RARB: variants seen among roughly 807,000 people sequenced by gnomAD.
The protein encoded by RARB is HBV-activated protein.
A neutral mutation model predicts 51.9 loss-of-function variants in RARB; 17 were observed. The ratio of observed to expected loss-of-function variants is 0.33; its 90% confidence interval spans 0.22 to 0.49. The LOEUF (loss-of-function observed/expected upper bound fraction) is 0.49. RARB is among the 20% of genes least tolerant of loss of function. The probability of loss-of-function intolerance (pLI) is 0.99; values close to 1 mark genes in which losing one functional copy is unlikely to be tolerated. For missense variants in RARB, 369 were observed against 550.8 expected, an observed-to-expected ratio of 0.67 and a Z score of 3.30; for synonymous variants, 215 against 195.4, an observed-to-expected ratio of 1.10 and a Z score of -0.84.
intron 1 of RARB, among the ~76,000 whole-genome samples, chr3:24,835,508 T>C (rs1212321398): frequency 6.6e-6 from 1 of 152,226 alleles, no homozygotes; most frequent in African/African-American, 2.4e-5. Flanking sequence ...TGCCAGACTC[T>C]GTACTAAAAG....
intron 3 of RARB, among the ~76,000 whole-genome samples, chr3:25,095,926 A>G (rs543083560): frequency 9.2e-5 from 14 of 152,230 alleles, no homozygotes; most frequent in African/African-American, 2.2e-4. Flanking sequence ...CATCTTCCAA[A>G]CTGTTCAGCA....
At chr3:25,286,595 A>G (rs1703663010) in intron 5 of RARB, among the ~76,000 whole-genome samples, 1 of 152,134 alleles carries the variant, frequency 6.6e-6, no homozygotes, top group Non-Finnish European at 1.5e-5. Flanking sequence ...CTCACTACCT[A>G]AAGTCTCACC....
At chr3:25,356,129 C>G (rs73156046) in intron 5 of RARB, among the ~76,000 whole-genome samples, 2,265 of 152,164 alleles carry the variant, frequency 0.015, 64 homozygotes, top group African/African-American at 0.051. Context: ...AGAGTAAGTG[C>G]TGTATCTATA....
At chr3:25,386,175 C>T (rs1706788927) in intron 5 of RARB, among the ~76,000 whole-genome samples, 1 of 152,080 alleles carries the variant, frequency 6.6e-6, no homozygotes, top group African/African-American at 2.4e-5. Flanking sequence ...GGCATCTAAC[C>T]CACTTGAGAA....
intron 2 of RARB, among the ~76,000 whole-genome samples, chr3:24,880,742 C>T (rs1052345643): frequency 2.6e-5 from 4 of 152,192 alleles, no homozygotes; most frequent in African/African-American, 9.6e-5. Context: ...GGTGTTCCAT[C>T]ATACCAGACA....
chr3:25,217,317 G>A (rs1701856105), intron 5 of RARB, among the ~76,000 whole-genome samples: 1 of 152,014 alleles, frequency 6.6e-6, no homozygotes, highest in Non-Finnish European at 1.5e-5. Context: ...TATTATTTTT[G>A]TATCATTAGG....
intron 2 of RARB, among the ~76,000 whole-genome samples, chr3:24,947,531 C>T (rs978214494): frequency 1.1e-4 from 17 of 152,324 alleles, no homozygotes; most frequent in African/African-American, 3.4e-4. Context: ...TCTTCCACTT[C>T]GTGGAAGCAT....
At chr3:25,021,726 A>G (rs1409209890) in intron 2 of RARB, among the ~76,000 whole-genome samples, 3 of 151,964 alleles carry the variant, frequency 2.0e-5, no homozygotes, top group Non-Finnish European at 4.4e-5. Context: ...TTTAAATTCG[A>G]GGACCTATAA....
At chr3:25,153,586 A>T (rs1700327825) in intron 4 of RARB, among the ~76,000 whole-genome samples, 2 of 152,178 alleles carry the variant, frequency 1.3e-5, no homozygotes, top group South Asian at 4.1e-4. Flanking sequence ...AGAATATATA[A>T]CTATAATTAA....
At chr3:25,382,436 G>A (rs1219316706) in intron 5 of RARB, among the ~76,000 whole-genome samples, 1 of 152,208 alleles carries the variant, frequency 6.6e-6, no homozygotes, top group African/African-American at 2.4e-5. Context: ...ACATGGACTG[G>A]GTAGCCTCAT....
chr3:25,246,860 T>G (rs770255445), intron 5 of RARB, among the ~76,000 whole-genome samples: 45 of 152,162 alleles, frequency 3.0e-4, no homozygotes, highest in Non-Finnish European at 6.0e-4. Context: ...TGCTGGGAGA[T>G]CCACTGCTCT....
At chr3:25,375,678 C>T (rs534384286) in intron 5 of RARB, among the ~76,000 whole-genome samples, 1 of 152,288 alleles carries the variant, frequency 6.6e-6, no homozygotes, top group South Asian at 2.1e-4. Flanking sequence ...GAAAACTGAT[C>T]ACCACAAATT....
intron 2 of RARB, among the ~76,000 whole-genome samples, chr3:25,034,492 T>C (rs1302909669): frequency 6.6e-6 from 1 of 152,218 alleles, no homozygotes; most frequent in Non-Finnish European, 1.5e-5. Context: ...AGACAGTGAT[T>C]TCTCTAGGCA....
At chr3:25,003,580 A>C (rs1336969197) in intron 2 of RARB, among the ~76,000 whole-genome samples, 4 of 152,164 alleles carry the variant, frequency 2.6e-5, no homozygotes, top group Non-Finnish European at 4.4e-5. Flanking sequence ...AATATGTCCA[A>C]AATTTATTTG....
At chr3:25,017,842 C>A (rs1038945667) in intron 2 of RARB, among the ~76,000 whole-genome samples, 16 of 151,994 alleles carry the variant, frequency 1.1e-4, no homozygotes, top group African/African-American at 3.6e-4. Flanking sequence ...AAAGCTAATC[C>A]CCAGTGTGAT....
intron 2 of RARB, among the ~76,000 whole-genome samples, chr3:24,898,697 G>A (rs571763309): frequency 3.9e-4 from 60 of 152,080 alleles, no homozygotes; most frequent in Non-Finnish European, 2.6e-4. Flanking sequence ...CTATTTTCTA[G>A]AAATTCCCCC....
chr3:25,076,342 T>C (rs751504953), intron 3 of RARB, among the ~76,000 whole-genome samples: 1 of 152,120 alleles, frequency 6.6e-6, no homozygotes, highest in Non-Finnish European at 1.5e-5. Flanking sequence ...GGTTTCACCA[T>C]GTTATCCAGG....
chr3:25,404,767 A>G (rs1042082672), intron 5 of RARB, among the ~76,000 whole-genome samples: 1 of 152,242 alleles, frequency 6.6e-6, no homozygotes, highest in African/African-American at 2.4e-5. Flanking sequence ...TTGCAGCTAC[A>G]TGAAACAAGT....
intron 5 of RARB, among the ~76,000 whole-genome samples, chr3:25,292,761 G>T (rs772833837): frequency 1.3e-5 from 2 of 152,120 alleles, no homozygotes; most frequent in Non-Finnish European, 2.9e-5. Flanking sequence ...AGAGCCCTGC[G>T]TTGGTTTCAA....
Sources: gnomAD v4.1 joint callset for allele counts (sites outside exome capture counted in the v4.1 genomes callset) on GRCh38, gnomAD v4.1.1 for gene constraint, MANE v1.5 for transcripts, NCBI Gene and HGNC (gene_info 2026-07-23, HGNC 2026-07-21) for gene names.